The following DLG2 variants were observed in gnomAD, a reference collection of about 807,000 sequenced individuals.
DLG2 encodes discs large MAGUK scaffold protein 2, also known as disks large homolog 2.
DLG2 carries 45 observed loss-of-function variants against 132.5 expected under a neutral mutation model. That is an observed-to-expected ratio of 0.34 (90% CI 0.27 to 0.44). The LOEUF (loss-of-function observed/expected upper bound fraction) is 0.44, where lower values mean the gene tolerates loss of function less well. Ranked by LOEUF, DLG2 falls within the 20% of genes least tolerant of loss-of-function variation. DLG2 has a pLI of 1.00. For missense variants in DLG2, 1,045 were observed against 1,196.9 expected, an observed-to-expected ratio of 0.87 and a Z score of 1.87; for synonymous variants, 424 against 419.6, an observed-to-expected ratio of 1.01 and a Z score of -0.13.
chr11:84,353,176 G>T (rs2098591021), intron 7 of DLG2, among the ~76,000 whole-genome samples: 1 of 152,030 alleles, frequency 6.6e-6, no homozygotes, highest in South Asian at 2.1e-4. Flanking sequence ...TCAACTTACT[G>T]CCAACTGTTT....
At chr11:84,485,808 T>C (rs780829694) in intron 7 of DLG2, among the ~76,000 whole-genome samples, 11 of 152,170 alleles carry the variant, frequency 7.2e-5, no homozygotes, top group Non-Finnish European at 1.5e-4. Flanking sequence ...CTGGTTAGGT[T>C]AGGTTTGTTG....
chr11:84,750,188 T>C (rs372317335), intron 6 of DLG2, among the ~76,000 whole-genome samples: 9 of 152,250 alleles, frequency 5.9e-5, no homozygotes, highest in African/African-American at 2.2e-4. Flanking sequence ...AGTTCTAGGG[T>C]ACATGTGCAC....
At chr11:84,247,277 A>G (rs1005518686) in intron 8 of DLG2, among the ~76,000 whole-genome samples, 2 of 152,210 alleles carry the variant, frequency 1.3e-5, no homozygotes, top group African/African-American at 4.8e-5. Context: ...TTGGTTGCAG[A>G]GTACCAGAGA....
At chr11:85,106,531 T>TA (rs2071785755) in intron 6 of DLG2, among the ~76,000 whole-genome samples, 2 of 152,000 alleles carry the variant, frequency 1.3e-5, no homozygotes, top group Non-Finnish European at 2.9e-5. Context: ...GTCTGTTTTT[T>TA]ACGCTTTTTC....
At chr11:84,833,797 T>C (rs540802972) in intron 6 of DLG2, among the ~76,000 whole-genome samples, 1 of 151,794 alleles carries the variant, frequency 6.6e-6, no homozygotes, top group South Asian at 2.1e-4. Flanking sequence ...ATAAAAACTA[T>C]TGTTTTTTGC....
intron 7 of DLG2, among the ~76,000 whole-genome samples, chr11:84,467,072 T>A (rs566575590): frequency 6.6e-6 from 1 of 151,312 alleles, no homozygotes; most frequent in Non-Finnish European, 1.5e-5. Context: ...CGACCGTATC[T>A]AGCACAAAGA....
chr11:83,486,306 G>A (rs1220384740), intron 21 of DLG2: 1 of 659,388 alleles, frequency 1.5e-6, no homozygotes, highest in Non-Finnish European at 2.7e-6. Flanking sequence ...GATACTGCAA[G>A]GTATGTTAGA....
At chr11:85,239,557 A>G (rs2075771440) in intron 4 of DLG2, among the ~76,000 whole-genome samples, 4 of 151,990 alleles carry the variant, frequency 2.6e-5, no homozygotes, top group Admixed American at 2.0e-4. Context: ...TTATTTTTTA[A>G]AATGTGCATA....
At chr11:85,357,115 T>A (rs2083761734) in intron 3 of DLG2, among the ~76,000 whole-genome samples, 1 of 152,098 alleles carries the variant, frequency 6.6e-6, no homozygotes, top group African/African-American at 2.4e-5. Flanking sequence ...TAAAATGATT[T>A]TTAGAAGGTG....
intron 15 of DLG2, among the ~76,000 whole-genome samples, chr11:83,881,749 G>A (rs901259713): frequency 6.6e-6 from 1 of 152,060 alleles, no homozygotes. Flanking sequence ...ATTCCTTTCA[G>A]GTGATTTGCA....
At chr11:84,951,710 C>T (rs567127503) in intron 6 of DLG2, among the ~76,000 whole-genome samples, 9 of 149,498 alleles carry the variant, frequency 6.0e-5, no homozygotes, top group East Asian at 5.9e-4. Flanking sequence ...TATACACACA[C>T]GTATATATAT....
chr11:84,891,484 C>A (rs1209500453), intron 6 of DLG2, among the ~76,000 whole-genome samples: 1 of 152,066 alleles, frequency 6.6e-6, no homozygotes, highest in Non-Finnish European at 1.5e-5. Flanking sequence ...AAGTACACCA[C>A]AATTTCAACC....
chr11:85,466,343 T>G (rs1438252531), intron 3 of DLG2, among the ~76,000 whole-genome samples: 2 of 152,248 alleles, frequency 1.3e-5, no homozygotes, highest in Admixed American at 6.5e-5. Flanking sequence ...TTTTGGCTTT[T>G]GTTGCCATTG....
intron 6 of DLG2, among the ~76,000 whole-genome samples, chr11:84,814,630 C>A (rs751059945): frequency 6.6e-6 from 1 of 152,082 alleles, no homozygotes; most frequent in Non-Finnish European, 1.5e-5. Flanking sequence ...TGCTTCTCAT[C>A]TCTGAATAGA....
intron 3 of DLG2, among the ~76,000 whole-genome samples, chr11:85,441,460 G>A (rs567099331): frequency 7.9e-5 from 12 of 151,962 alleles, no homozygotes; most frequent in Non-Finnish European, 1.5e-4. Flanking sequence ...CAATGATTTT[G>A]TTAAGGTCCT....
intron 7 of DLG2, among the ~76,000 whole-genome samples, chr11:84,309,653 C>T (rs1170603330): frequency 6.6e-6 from 1 of 152,096 alleles, no homozygotes; most frequent in Non-Finnish European, 1.5e-5. Flanking sequence ...GAGAATAAAA[C>T]CAGGTGAGGC....
chr11:83,966,901 C>T (rs898528608), intron 12 of DLG2, among the ~76,000 whole-genome samples: 3 of 152,014 alleles, frequency 2.0e-5, no homozygotes, highest in African/African-American at 7.2e-5. Flanking sequence ...CCATTTTCCA[C>T]CTCCCCCTGT....
chr11:85,114,543 G>A (rs184719264), intron 5 of DLG2, among the ~76,000 whole-genome samples: 21 of 151,992 alleles, frequency 1.4e-4, no homozygotes, highest in African/African-American at 4.6e-4. Flanking sequence ...AATGCTGACC[G>A]TTAAAAACAT....
At chr11:83,478,199 A>T (rs896514660) in intron 22 of DLG2, among the ~76,000 whole-genome samples, 4 of 152,106 alleles carry the variant, frequency 2.6e-5, no homozygotes, top group African/African-American at 9.7e-5. Context: ...ATTCCTCTGG[A>T]ATTCTTCATA....
Sources: gnomAD v4.1 joint callset for allele counts (sites outside exome capture counted in the v4.1 genomes callset) on GRCh38, gnomAD v4.1.1 for gene constraint, MANE v1.5 for transcripts, NCBI Gene and HGNC (gene_info 2026-07-23, HGNC 2026-07-21) for gene names.